PPFIBP1: variants seen among roughly 807,000 people sequenced by gnomAD.
PPFIBP1 encodes the protein PPFIB scaffold protein 1, also known as liprin-beta-1.
In PPFIBP1, 112 loss-of-function variants were observed where a neutral mutation model predicts 137.8. The ratio of observed to expected loss-of-function variants is 0.81; its 90% confidence interval spans 0.70 to 0.95. The LOEUF is 0.95. Among genes scored for constraint, PPFIBP1 ranks in the 40% least tolerant of loss-of-function variants. The pLI is 0.00. For missense variants in PPFIBP1, 1,083 were observed against 1,196.6 expected (o/e 0.91, Z 1.40); for synonymous variants, 378 against 417.3 (o/e 0.91, Z 1.15).
intron 21 of PPFIBP1, among the ~76,000 whole-genome samples, chr12:27,680,395 A>G (rs540963010): frequency 1.5e-4 from 23 of 152,330 alleles, no homozygotes; most frequent in African/African-American, 5.5e-4. Flanking sequence ...GGTTAAGAGT[A>G]TGTTCTAGAA....
chr12:27,649,637 G>A (rs2058750550), intron 6 of PPFIBP1, among the ~76,000 whole-genome samples: 1 of 151,944 alleles, frequency 6.6e-6, no homozygotes, highest in Non-Finnish European at 1.5e-5. Context: ...TGTAACCTCC[G>A]CCTCCTGGGT....
chr12:27,686,472 G>T (rs2061206960), intron 24 of PPFIBP1, among the ~76,000 whole-genome samples: 2 of 152,056 alleles, frequency 1.3e-5, no homozygotes, highest in Non-Finnish European at 2.9e-5. Flanking sequence ...TTCCTTGAAG[G>T]GGTTGATTGG....
chr12:27,593,165 G>T (rs1262826120), intron 2 of PPFIBP1, among the ~76,000 whole-genome samples: 5 of 145,746 alleles, frequency 3.4e-5, no homozygotes, highest in African/African-American at 1.3e-4. Context: ...AAGTGTCAAT[G>T]CAAAGCTTCA....
At chr12:27,532,094 T>C (rs990241943) in intron 1 of PPFIBP1, among the ~76,000 whole-genome samples, 1 of 152,234 alleles carries the variant, frequency 6.6e-6, no homozygotes, top group Non-Finnish European at 1.5e-5. Context: ...CGACATGCAC[T>C]GCTTTGATGA....
At chr12:27,531,446 G>A (rs1266893230) in intron 1 of PPFIBP1, among the ~76,000 whole-genome samples, 3 of 147,748 alleles carry the variant, frequency 2.0e-5, no homozygotes, top group Admixed American at 1.4e-4. Flanking sequence ...GTCCCCACCA[G>A]CATGAGCAGC....
chr12:27,646,571 A>G (rs1369763798), intron 5 of PPFIBP1, among the ~76,000 whole-genome samples: 1 of 152,048 alleles, frequency 6.6e-6, no homozygotes. Flanking sequence ...ATATTTTAAT[A>G]TATAGCAGAA....
At chr12:27,545,308 A>C (rs112973769) in intron 1 of PPFIBP1, among the ~76,000 whole-genome samples, 24,621 of 152,130 alleles carry the variant, frequency 0.16, 2,253 homozygotes, top group Middle Eastern at 0.26. Flanking sequence ...GGGTGCAGCA[A>C]ATCACCATGG....
chr12:27,693,162 AC>A lies in PPFIBP1; in HGVS notation c.*282del. 1 of 306,248 alleles carries A rather than the reference AC, an allele frequency of 3.3e-6. No homozygotes were observed. The highest frequency in any genetic ancestry group is 5.9e-6 in the Non-Finnish European group (1 of 168,642). 19.0% of individuals were successfully genotyped at this position (306,248 alleles called of 1,614,324 possible). On this transcript the variant is annotated 3_prime_UTR_variant, in exon 30 of 30. Coordinates refer to ENST00000228425, the MANE Select transcript of PPFIBP1 (RefSeq NM_003622.4). ...GTGTTGCATTTAAGATGAGTATTTT[AC>A]CAGAGTGTTTCCATTCATATCCGCG...
intron 1 of PPFIBP1, among the ~76,000 whole-genome samples, chr12:27,545,621 A>G (rs1237024604): frequency 1.3e-5 from 2 of 152,210 alleles, no homozygotes; most frequent in Non-Finnish European, 2.9e-5. Flanking sequence ...TGAGGCAGAG[A>G]GATGCTTGCC....
intron 1 of PPFIBP1, among the ~76,000 whole-genome samples, chr12:27,528,983 G>A (rs1233970971): frequency 6.6e-6 from 1 of 152,218 alleles, no homozygotes; most frequent in Admixed American, 6.5e-5. Context: ...ACACATCCTT[G>A]TTTTTGTTGG....
chr12:27,537,452 C>G (rs768810402), intron 1 of PPFIBP1, among the ~76,000 whole-genome samples: 2 of 152,206 alleles, frequency 1.3e-5, no homozygotes, highest in East Asian at 3.9e-4. Flanking sequence ...TATTCTGCAC[C>G]TTACTGCCAG....
intron 2 of PPFIBP1, among the ~76,000 whole-genome samples, chr12:27,632,555 T>C (rs1358523149): frequency 6.6e-6 from 1 of 152,246 alleles, no homozygotes; most frequent in African/African-American, 2.4e-5. Context: ...GATTGTGATG[T>C]AATTTCAGGA....
chr12:27,675,378 A>G (rs574374145), intron 17 of PPFIBP1, among the ~76,000 whole-genome samples: 22 of 152,330 alleles, frequency 1.4e-4, no homozygotes, highest in Non-Finnish European at 2.6e-4. Context: ...AAATTGTGCC[A>G]TCTGTAAACT....
chr12:27,544,747 T>C (rs989880157), intron 1 of PPFIBP1, among the ~76,000 whole-genome samples: 6 of 152,196 alleles, frequency 3.9e-5, no homozygotes, highest in African/African-American at 1.2e-4. Flanking sequence ...AAACAACAGA[T>C]GCTGGAGAGG....
chr12:27,683,850 C>T (rs189056113), intron 24 of PPFIBP1, among the ~76,000 whole-genome samples: 6 of 151,962 alleles, frequency 3.9e-5, no homozygotes, highest in Admixed American at 1.3e-4. Flanking sequence ...TGCAGTGGTG[C>T]GATCTCGGCT....
intron 1 of PPFIBP1, among the ~76,000 whole-genome samples, chr12:27,558,720 T>C (rs909547744): frequency 6.6e-6 from 1 of 152,126 alleles, no homozygotes; most frequent in African/African-American, 2.4e-5. Context: ...TTAAATGCAC[T>C]GTAGGGCCCC....
At chr12:27,558,923 C>T (rs1436830119) in intron 1 of PPFIBP1, among the ~76,000 whole-genome samples, 1 of 148,312 alleles carries the variant, frequency 6.7e-6, no homozygotes, top group African/African-American at 2.5e-5. Flanking sequence ...AGTGCAGTGG[C>T]GTGACCACAC....
In PPFIBP1 at chr12:27,562,472, G is replaced by A. The variant is rs913909980; in HGVS notation, c.-123-15680G>A. On this transcript the variant is annotated intron_variant, in intron 1 of 29. Coordinates refer to ENST00000228425, the MANE Select transcript of PPFIBP1 (RefSeq NM_003622.4). ...AAATTATCTTGGTAAAAGTTATTGA[G>A]ATTTAATTGGAGCTACATAATTTGT... Among the ~76,000 whole-genome samples, 43 of 152,290 alleles carry A rather than the reference G, an allele frequency of 2.8e-4. No homozygotes were observed. The South Asian group carries it at 7.7e-3, about 27-fold the overall frequency.
At chr12:27,588,318 A>G (rs1202734764) in intron 2 of PPFIBP1, among the ~76,000 whole-genome samples, 1 of 152,160 alleles carries the variant, frequency 6.6e-6, no homozygotes, top group African/African-American at 2.4e-5. Flanking sequence ...GATTCACCCA[A>G]TGGTTTTAGC....
Sources: gnomAD v4.1 joint callset for allele counts (sites outside exome capture counted in the v4.1 genomes callset) on GRCh38, gnomAD v4.1.1 for gene constraint, MANE v1.5 for transcripts, NCBI Gene and HGNC (gene_info 2026-07-23, HGNC 2026-07-21) for gene names.